SLC25A13: variants seen among roughly 807,000 people sequenced by gnomAD.
SLC25A13 encodes the protein electrogenic aspartate/glutamate antiporter SLC25A13, mitochondrial.
In SLC25A13, 70 loss-of-function variants were observed where a neutral mutation model predicts 85.5. The ratio of observed to expected loss-of-function variants is 0.82; its 90% CI spans 0.68 to 1.00. SLC25A13 has a LOEUF of 1.00. SLC25A13 is among the 50% of genes least tolerant of loss of function. The pLI is 0.00. For synonymous variants in SLC25A13, 259 were observed against 288.7 expected, an observed-to-expected ratio of 0.90 and a Z score of 1.04; for missense variants, 765 against 819.8, an observed-to-expected ratio of 0.93 and a Z score of 0.82.
At chr7:96,203,042 C>T (rs73710221) in intron 5 of SLC25A13, among the ~76,000 whole-genome samples, 5,458 of 152,238 alleles carry the variant, frequency 0.036, 332 homozygotes, top group African/African-American at 0.13. Context: ...AGCAACCAAC[C>T]GGTCTCCCTC....
chr7:96,181,420 G>A (rs1794416258), intron 11 of SLC25A13, among the ~76,000 whole-genome samples: 1 of 152,226 alleles, frequency 6.6e-6, no homozygotes, highest in Non-Finnish European at 1.5e-5. Flanking sequence ...ACTTGTGGTG[G>A]AGCACTACAA....
At chr7:96,189,560 A>C (rs771171302) in intron 8 of SLC25A13, 21 bp downstream of exon 8, 17 of 1,591,774 alleles carry the variant, frequency 1.1e-5, no homozygotes, top group Non-Finnish European at 1.4e-5. Context: ...TCCAAAAAAA[A>C]AAAAAAAAAA....
intron 13 of SLC25A13, among the ~76,000 whole-genome samples, chr7:96,166,092 C>G (rs1007804486): frequency 1.3e-5 from 2 of 152,144 alleles, no homozygotes; most frequent in Non-Finnish European, 2.9e-5. Flanking sequence ...CATGTTTTCC[C>G]AACAGTGTTA....
At chr7:96,136,939 C>T (rs1276276463) in intron 14 of SLC25A13, among the ~76,000 whole-genome samples, 1 of 152,146 alleles carries the variant, frequency 6.6e-6, no homozygotes, top group Non-Finnish European at 1.5e-5. Flanking sequence ...TGGCACCTGT[C>T]GTCAGAGCCA....
intron 13 of SLC25A13, among the ~76,000 whole-genome samples, chr7:96,148,778 A>C (rs1448680339): frequency 6.6e-6 from 1 of 152,186 alleles, no homozygotes; most frequent in African/African-American, 2.4e-5. Flanking sequence ...CATACAATGC[A>C]TATTCATCCA....
chr7:96,208,771 C>T, intron 5 of SLC25A13, 67 bp downstream of exon 5: 1 of 1,591,408 alleles, frequency 6.3e-7, no homozygotes, highest in East Asian at 2.3e-5. Flanking sequence ...TCCCAAAGTG[C>T]TAGGATTATA....
At chr7:96,280,736 A>G (rs1169180501) in intron 2 of SLC25A13, among the ~76,000 whole-genome samples, 3 of 152,074 alleles carry the variant, frequency 2.0e-5, no homozygotes, top group African/African-American at 7.2e-5. Flanking sequence ...CAAAAAGCCT[A>G]CAATGCAATA....
chr7:96,263,190 T>TTCTTC (rs200714960), intron 3 of SLC25A13, among the ~76,000 whole-genome samples: 1,983 of 152,252 alleles, frequency 0.013, 51 homozygotes, highest in African/African-American at 0.045. Flanking sequence ...ACTAACTGCA[T>TTCTTC]TCTTCTCTTT....
chr7:96,153,377 G>T (rs1261138823), intron 13 of SLC25A13, among the ~76,000 whole-genome samples: 1 of 152,214 alleles, frequency 6.6e-6, no homozygotes, highest in Non-Finnish European at 1.5e-5. Flanking sequence ...AAGTTACTGT[G>T]ATCTGTAACA....
At position 96,297,125 on chromosome 7, in the gene SLC25A13, C is replaced by A. The variant is rs76679995; in HGVS notation, c.16-174G>T. ...CCCCTTCCCATTTTAAATTAGACTC[C>A]TTATGCAGCTTCTAAAATGATAAAA... is the stretch of plus-strand genomic sequence containing the variant. On this transcript the variant is annotated intron_variant, in intron 1 of 17. Coordinates refer to ENST00000265631, the MANE Select transcript of SLC25A13 (RefSeq NM_014251.3). Among the ~76,000 whole-genome samples, 2,023 of 152,228 alleles carry A rather than the reference C, an allele frequency of 0.013. 41 individuals carry two copies. The highest frequency in any genetic ancestry group is 0.047 in the African/African-American group (1,945 of 41,530).
chr7:96,283,835 A>AAAAAG (rs1156619385), intron 2 of SLC25A13: 19 of 159,930 alleles, frequency 1.2e-4, no homozygotes, highest in African/African-American at 4.6e-4. Flanking sequence ...AAAAAAAAAA[A>AAAAAG]AAAAAAAAAG....
rs150082469 is a variant in SLC25A13 at position 96,121,909 on chromosome 7, G to T, written c.1680C>A (p.Ser560Arg). Residue 560 changes from serine (S) to arginine (R), a missense_variant, in exon 16 of 18, where the codon AGC (serine) becomes AGA (arginine). By Grantham distance (110) the Ser-to-Arg change is moderately radical. Coordinates refer to ENST00000265631, the MANE Select transcript of SLC25A13 (RefSeq NM_014251.3). ...TCTTTCTAAAGCAGTCTATCACTCC[G>T]CTGTAAGTGGTTTGGCCAGCCCGGG... ...VAARAGQTTY[S>R]GVIDCFRKIL... 1 of 1,614,066 alleles carries T rather than the reference G, an allele frequency of 6.2e-7. No homozygotes were observed. Among genetic ancestry groups the T allele is most frequent in the South Asian group, 1.1e-5 (1 of 91,072 alleles).
At chr7:96,317,285 G>A (rs1374548625) in intron 1 of SLC25A13, among the ~76,000 whole-genome samples, 2 of 151,910 alleles carry the variant, frequency 1.3e-5, no homozygotes, top group Admixed American at 1.3e-4. Context: ...CAGATCTTAG[G>A]CCACTAACAT....
chr7:96,255,150 A>T (rs1355909085), intron 3 of SLC25A13, among the ~76,000 whole-genome samples: 3 of 152,234 alleles, frequency 2.0e-5, no homozygotes, highest in Admixed American at 1.3e-4. Context: ...AACAGAACTA[A>T]AAAGAAATCT....
chr7:96,190,538 T>C (rs986023257), intron 7 of SLC25A13, among the ~76,000 whole-genome samples: 1 of 152,208 alleles, frequency 6.6e-6, no homozygotes. Flanking sequence ...GCTCAAGCTG[T>C]AGCAAGATTT....
chr7:96,214,526 A>C (rs574383591), intron 4 of SLC25A13, among the ~76,000 whole-genome samples: 1 of 152,312 alleles, frequency 6.6e-6, no homozygotes, highest in Non-Finnish European at 1.5e-5. Flanking sequence ...CAGGAGTTCG[A>C]GACCAGCCTG....
At chr7:96,125,123 C>T (rs1199590273) in intron 15 of SLC25A13, among the ~76,000 whole-genome samples, 2 of 151,906 alleles carry the variant, frequency 1.3e-5, no homozygotes, top group Non-Finnish European at 2.9e-5. Context: ...CTGAGTTTTG[C>T]TCTTGATGCC....
chr7:96,200,099 T>C (rs1308784397), intron 5 of SLC25A13, among the ~76,000 whole-genome samples: 1 of 152,048 alleles, frequency 6.6e-6, no homozygotes, highest in Non-Finnish European at 1.5e-5. Context: ...AATAAATATA[T>C]ATATTTTTTG....
chr7:96,198,491 T>A (rs1051312618), intron 5 of SLC25A13, among the ~76,000 whole-genome samples: 3 of 152,206 alleles, frequency 2.0e-5, no homozygotes, highest in Admixed American at 2.0e-4. Context: ...GCCAAGAACT[T>A]CAAAGACAGC....
Sources: allele counts gnomAD v4.1 joint callset (sites outside exome capture counted in the v4.1 genomes callset), GRCh38; gene constraint gnomAD v4.1.1; transcripts MANE v1.5; gene names NCBI Gene and HGNC (gene_info 2026-07-23, HGNC 2026-07-21).